Variants in CPEB2 observed in about 807,000 individuals in gnomAD.
CPEB2 encodes the protein cytoplasmic polyadenylation element-binding protein 2.
In CPEB2, 56 loss-of-function variants were observed where a neutral mutation model predicts 93.6. The observed-to-expected ratio is 0.60, with a 90% CI of 0.48 to 0.75. The LOEUF is 0.75. CPEB2 is among the 30% of genes least tolerant of loss of function. The pLI is 0.00. For missense variants in CPEB2, 1,579 were observed against 1,395.1 expected (o/e 1.13, Z -2.10); for synonymous variants, 764 against 586.3 (o/e 1.30, Z -4.38).
chr4:15,032,775 A>T (rs1726251164), intron 4 of CPEB2, among the ~76,000 whole-genome samples: 1 of 152,100 alleles, frequency 6.6e-6, no homozygotes, highest in Non-Finnish European at 1.5e-5. Flanking sequence ...TTTATTTTTG[A>T]CAGATCTATA....
rs1303919464 is a variant in CPEB2 at position 15,069,899 on chromosome 4, T to C, written c.*3519T>C. 6.6e-6 allele frequency: 1 copy of C among 152,214 alleles called. No homozygotes were observed. The highest frequency in any genetic ancestry group is 1.5e-5 in the Non-Finnish European group (1 of 67,802). 9.4% of individuals were successfully genotyped at this position (152,214 alleles called of 1,614,324 possible). A position where few individuals can be genotyped will look rare whatever the true frequency, so the allele number is the denominator to read the frequency against. On this transcript the variant is annotated 3_prime_UTR_variant, in exon 12 of 12. Transcript: ENST00000538197. ...TTCCTAATGGGGTGTTAAAGCCGTT[T>C]TTTATTTTTTTCTAAATAAAAAGAG...
intron 6 of CPEB2, among the ~76,000 whole-genome samples, chr4:15,050,649 A>G (rs1307712394): frequency 6.6e-6 from 1 of 152,188 alleles, no homozygotes; most frequent in Non-Finnish European, 1.5e-5. Context: ...TTATCTTAAT[A>G]TCTCACATTG....
At chr4:15,033,460 T>C (rs1023050653) in intron 5 of CPEB2, among the ~76,000 whole-genome samples, 2 of 152,232 alleles carry the variant, frequency 1.3e-5, no homozygotes, top group Admixed American at 1.3e-4. Flanking sequence ...GTTTGAATAT[T>C]GCCTTTCCAG....
At chr4:15,023,109 A>G (rs1368843131) in intron 4 of CPEB2, among the ~76,000 whole-genome samples, 2 of 152,046 alleles carry the variant, frequency 1.3e-5, no homozygotes, top group African/African-American at 4.8e-5. Flanking sequence ...AATCACATTT[A>G]TTTATTCAGA....
At chr4:15,056,996 TAAAA>T (rs777792599) in intron 8 of CPEB2, among the ~76,000 whole-genome samples, 1 of 152,078 alleles carries the variant, frequency 6.6e-6, no homozygotes, top group Non-Finnish European at 1.5e-5. Flanking sequence ...TAAGCAATAT[TAAAA>T]TATTAATATC....
intron 1 of CPEB2, chr4:15,006,574 G>A (rs1049758144): frequency 4.6e-5 from 7 of 152,176 alleles, no homozygotes; most frequent in Admixed American, 3.3e-4. Context: ...AAGATCTCTA[G>A]TGGAATAATC....
intron 5 of CPEB2, among the ~76,000 whole-genome samples, chr4:15,036,089 G>A (rs1367869586): frequency 6.6e-6 from 1 of 152,142 alleles, no homozygotes; most frequent in Non-Finnish European, 1.5e-5. Context: ...TAAAAGCCAG[G>A]AAGTTGGTCA....
intron 3 of CPEB2, among the ~76,000 whole-genome samples, chr4:15,016,187 G>T (rs1051837190): frequency 6.6e-6 from 1 of 151,854 alleles, no homozygotes; most frequent in Admixed American, 6.6e-5. Context: ...GTTTAGAATG[G>T]ACTATCCTGT....
chr4:15,053,887 C>A (rs143564574), intron 7 of CPEB2, among the ~76,000 whole-genome samples: 10 of 152,058 alleles, frequency 6.6e-5, no homozygotes, highest in African/African-American at 2.4e-4. Context: ...TTTTAAAATT[C>A]ACATGGAATT....
intron 6 of CPEB2, among the ~76,000 whole-genome samples, chr4:15,049,530 T>C (rs1728025815): frequency 6.6e-6 from 1 of 152,178 alleles, no homozygotes; most frequent in Non-Finnish European, 1.5e-5. Context: ...AAGTCTAACC[T>C]TTAAAAGTTT....
chr4:15,051,483 G>T (rs1577452260), intron 6 of CPEB2, among the ~76,000 whole-genome samples: 4 of 152,188 alleles, frequency 2.6e-5, no homozygotes, highest in South Asian at 4.1e-4. Flanking sequence ...TGAAAACCAT[G>T]TTCCTGTAAA....
chr4:15,061,100 G>C (rs1278554912), intron 10 of CPEB2, among the ~76,000 whole-genome samples: 2 of 152,152 alleles, frequency 1.3e-5, no homozygotes, highest in Non-Finnish European at 2.9e-5. Flanking sequence ...AATATACCGA[G>C]TGTGGCCAGT....
At chr4:15,050,860 C>A (rs975819575) in intron 6 of CPEB2, among the ~76,000 whole-genome samples, 1 of 152,196 alleles carries the variant, frequency 6.6e-6, no homozygotes, top group African/African-American at 2.4e-5. Flanking sequence ...GGACCTTAAA[C>A]TATAACCCAT....
At chr4:15,021,150 A>T (rs1724759824) in intron 4 of CPEB2, among the ~76,000 whole-genome samples, 1 of 152,114 alleles carries the variant, frequency 6.6e-6, no homozygotes, top group South Asian at 2.1e-4. Context: ...TTTGCTATGG[A>T]TCGTGAACAG....
chr4:15,008,654 CTTTTTTTG>C, intron 3 of CPEB2, among the ~76,000 whole-genome samples: 1 of 151,972 alleles, frequency 6.6e-6, no homozygotes, highest in East Asian at 1.9e-4. Flanking sequence ...ACATAATAAA[CTTTTTTTG>C]GAAAAAGGAA....
intron 6 of CPEB2, among the ~76,000 whole-genome samples, chr4:15,042,714 G>T (rs149852991): frequency 0.025 from 3,831 of 152,218 alleles, 63 homozygotes; most frequent in Middle Eastern, 0.044. Context: ...ACACTGAAAC[G>T]GTAAGTAATG....
intron 4 of CPEB2, among the ~76,000 whole-genome samples, chr4:15,031,156 C>T (rs1393459981): frequency 6.6e-6 from 1 of 152,130 alleles, no homozygotes; most frequent in Non-Finnish European, 1.5e-5. Flanking sequence ...CCTACCACAT[C>T]ATAAGACTAT....
intron 9 of CPEB2, among the ~76,000 whole-genome samples, chr4:15,058,866 G>A (rs1459321128): frequency 6.6e-6 from 1 of 152,130 alleles, no homozygotes; most frequent in Non-Finnish European, 1.5e-5. Flanking sequence ...GCACGTGCGA[G>A]TGATCTAGGT....
At chr4:15,008,764 A>T (rs566035270) in intron 3 of CPEB2, among the ~76,000 whole-genome samples, 2 of 152,210 alleles carry the variant, frequency 1.3e-5, no homozygotes, top group Non-Finnish European at 2.9e-5. Flanking sequence ...GTACAAAATC[A>T]TATGTTTACT....
Sources: gnomAD v4.1 joint callset for allele counts (sites outside exome capture counted in the v4.1 genomes callset) on GRCh38, gnomAD v4.1.1 for gene constraint, MANE v1.5 for transcripts, NCBI Gene and HGNC (gene_info 2026-07-23, HGNC 2026-07-21) for gene names.